Variants in FSD2 observed in about 807,000 individuals in gnomAD.
The protein encoded by FSD2 is fibronectin type III and SPRY domain-containing protein 2.
FSD2 carries 71 observed loss-of-function variants against 80.4 expected under a neutral mutation model. That is an observed-to-expected ratio of 0.88 (90% CI 0.73 to 1.08). The LOEUF (loss-of-function observed/expected upper bound fraction) is 1.08, where lower values mean the gene tolerates loss of function less well. Ranked by LOEUF, FSD2 falls within the 50% of genes least tolerant of loss-of-function variation. FSD2 has a pLI of 0.00. For missense variants in FSD2, 923 were observed against 913.8 expected (o/e 1.01, Z -0.13); for synonymous variants, 361 against 329.5 (o/e 1.10, Z -1.03).
rs916107510 is a variant in FSD2 at position 82,757,269 on chromosome 15, C to T, written c.*2079G>A. ...ACTAACGTGTAGTATTCCATAAAGCCTATTAGAACCCTGAATTCAAACTTG... is the reference window on the plus strand; with the variant it reads ...ACTAACGTGTAGTATTCCATAAAGCTTATTAGAACCCTGAATTCAAACTTG... On this transcript the variant is annotated 3_prime_UTR_variant, in exon 13 of 13. Coordinates refer to ENST00000334574, the MANE Select transcript of FSD2 (RefSeq NM_001007122.4). 1 of 151,876 alleles carries T rather than the reference C, an allele frequency of 6.6e-6. No individual in the cohort carries two copies. The highest frequency in any genetic ancestry group is 1.5e-5 in the Non-Finnish European group (1 of 68,014). 9.4% of individuals were successfully genotyped at this position (151,876 alleles called of 1,614,324 possible).
chr15:82,773,881 A>G (rs1299623572), intron 6 of FSD2, among the ~76,000 whole-genome samples: 1 of 152,208 alleles, frequency 6.6e-6, no homozygotes, highest in Non-Finnish European at 1.5e-5. Context: ...GTTTTGCTGA[A>G]AAAACAGCAG....
rs187762542 is a variant in FSD2, at chr15:82,761,357, T to C, written c.1997+745A>G. Among the ~76,000 whole-genome samples, 28 of 152,304 alleles carry C rather than the reference T, an allele frequency of 1.8e-4. 1 individual carries two copies. The highest frequency in any genetic ancestry group is 1.6e-3 in the Admixed American group (24 of 15,290). ...GGCCTGGGCTTCGTGAGACTTTTTT[T>C]CCCACTATATGGAACTACTCCATGT... is the stretch of plus-strand genomic sequence containing the variant. On this transcript the variant is annotated intron_variant, in intron 12 of 12. Coordinates refer to ENST00000334574, the MANE Select transcript of FSD2 (RefSeq NM_001007122.4).
At chr15:82,802,297 T>C (rs1293888064) in intron 1 of FSD2, among the ~76,000 whole-genome samples, 3 of 152,224 alleles carry the variant, frequency 2.0e-5, no homozygotes. Context: ...CTGGGTATCA[T>C]GCACATTGCC....
At chr15:82,776,611 C>A (rs537942048) in intron 6 of FSD2, among the ~76,000 whole-genome samples, 3 of 152,002 alleles carry the variant, frequency 2.0e-5, no homozygotes, top group African/African-American at 7.2e-5. Flanking sequence ...GGAAAAGTAT[C>A]CTACATTCAT....
intron 5 of FSD2, among the ~76,000 whole-genome samples, chr15:82,779,936 G>A (rs957293049): frequency 6.6e-6 from 1 of 151,990 alleles, no homozygotes; most frequent in Non-Finnish European, 1.5e-5. Context: ...GCATAGTGGG[G>A]GGATGTTGGG....
intron 1 of FSD2, among the ~76,000 whole-genome samples, chr15:82,796,720 C>T (rs1047059152): frequency 6.6e-5 from 10 of 152,206 alleles, no homozygotes; most frequent in African/African-American, 1.9e-4. Context: ...CCCTTTCCCT[C>T]TCCAGACTCC....
Position 82,768,891 on chromosome 15 carries a change from C to T in FSD2, c.1542G>A (p.Ser514=), listed in dbSNP as rs192590802. 20 of 1,556,572 alleles carry T rather than the reference C, an allele frequency of 1.3e-5. No individual in the cohort carries two copies. Among genetic ancestry groups the T allele is most frequent in the Admixed American group, 5.7e-5 (3 of 52,906 alleles). ...ELTQAESPEA[S]GVTESVVGIP... is the part of the protein sequence containing the mutation. ...CCCTCATGACTCACTCAGTTACACCCGAGGCTTCTGGACTTTCAGCCTGGG... is the reference window on the plus strand; with the variant it reads ...CCCTCATGACTCACTCAGTTACACCTGAGGCTTCTGGACTTTCAGCCTGGG... Residue 514 remains serine, a synonymous_variant, in exon 9 of 13, where the codon TCG becomes TCA. Coordinates refer to ENST00000334574, the MANE Select transcript of FSD2 (RefSeq NM_001007122.4).
Position 82,787,358 on chromosome 15 carries a change from C to T in FSD2, c.33G>A (p.Leu11=). Reference sequence around the variant, plus strand: ...GGAAATCCTTGGGAGTAGACCTGTCCAGCCCCAGTTCCTCCCCCGATTCCT... The same window carrying T: ...GGAAATCCTTGGGAGTAGACCTGTCTAGCCCCAGTTCCTCCCCCGATTCCT... MEEESGEELG[L]DRSTPKDFHF... Residue 11 remains leucine (L), a synonymous_variant, in exon 2 of 13, where the codon CTG becomes CTA. Coordinates refer to ENST00000334574, the MANE Select transcript of FSD2 (RefSeq NM_001007122.4). The T allele has an allele frequency of 6.2e-7, 1 of 1,611,850 alleles. No homozygotes were observed. The highest frequency in any genetic ancestry group is 2.2e-5 in the East Asian group (1 of 44,846).
chr15:82,766,311 G>A (rs1041050558), intron 9 of FSD2, among the ~76,000 whole-genome samples: 2 of 152,112 alleles, frequency 1.3e-5, no homozygotes, highest in African/African-American at 4.8e-5. Context: ...ACTGTGCTTG[G>A]CATATGGTTA....
At position 82,774,656 on chromosome 15, in the gene FSD2, C is replaced by A. The variant is rs563718060; in HGVS notation, c.1112-2428G>T. Among the ~76,000 whole-genome samples, 22 of 152,094 alleles carry A rather than the reference C, an allele frequency of 1.4e-4. No individual in the cohort carries two copies. In the South Asian group the frequency reaches 3.7e-3, roughly 26 times the overall value. Reference sequence around the variant, plus strand: ...AACCTCAGAGAGGTCAGCCTCTGTACTCACTTATGAGCTAAAGACAAAAAT... The same window carrying A: ...AACCTCAGAGAGGTCAGCCTCTGTAATCACTTATGAGCTAAAGACAAAAAT... On this transcript the variant is annotated intron_variant, in intron 6 of 12. Coordinates refer to ENST00000334574, the MANE Select transcript of FSD2 (RefSeq NM_001007122.4).
chr15:82,772,630 G>A (rs2049610684), intron 6 of FSD2, among the ~76,000 whole-genome samples: 1 of 152,144 alleles, frequency 6.6e-6, no homozygotes, highest in Non-Finnish European at 1.5e-5. Context: ...TTTCATTGAT[G>A]GTATGGGGAA....
At chr15:82,785,979 T>C (rs1157580630) in intron 3 of FSD2, among the ~76,000 whole-genome samples, 1 of 152,010 alleles carries the variant, frequency 6.6e-6, no homozygotes, top group Non-Finnish European at 1.5e-5. Flanking sequence ...CCACCTGGGC[T>C]CAAATGAGGG....
At chr15:82,770,688 A>T (rs2049545774) in intron 7 of FSD2, among the ~76,000 whole-genome samples, 1 of 151,824 alleles carries the variant, frequency 6.6e-6, no homozygotes, top group Admixed American at 6.6e-5. Flanking sequence ...AATAATAATA[A>T]ATAAATAATA....
rs767428414 is a variant in FSD2, at chr15:82,786,908, A to G, written c.483T>C (p.Tyr161=). Residue 161 remains tyrosine, a synonymous_variant, in exon 2 of 13, where the codon TAT becomes TAC. Transcript: ENST00000334574. ...RYTHGRASEE[Y]ECYVIPEEED... is the part of the protein sequence containing the mutation. ...CTTCCTCGGGGATGACATAGCATTC[A>G]TACTCCTCGCTGGCACGGCCGTGTG... 2 of 1,613,876 alleles carry G rather than the reference A, an allele frequency of 1.2e-6. No individual in the cohort carries two copies. The highest frequency in any genetic ancestry group is 2.2e-5 in the East Asian group (1 of 44,870).
At chr15:82,761,138 G>A (rs554984284) in intron 12 of FSD2, among the ~76,000 whole-genome samples, 130 of 152,298 alleles carry the variant, frequency 8.5e-4, no homozygotes, top group African/African-American at 3.0e-3. Context: ...GACACATAAT[G>A]TGTAAATAAC....
chr15:82,766,015 G>A lies in FSD2; in HGVS notation c.1570C>T (p.Pro524Ser), dbSNP rs1401217822. The change falls in exon 10 of 13, where the codon CCG (proline) becomes TCG (serine). Residue 524 changes from proline (P) to serine (S), a missense_variant. Physicochemically the swap from Pro to Ser is moderately conservative, Grantham distance 74 (BLOSUM62 -1). Transcript: ENST00000334574. Reference sequence around the variant, plus strand: ...AGCTGCACCACGGACTCGCAGGTCGGGATGCCCACAACAGACCTGTACAAG... The same window carrying A: ...AGCTGCACCACGGACTCGCAGGTCGAGATGCCCACAACAGACCTGTACAAG... ...SGVTESVVGIPTCESVVQLQP... is the reference protein window; with the variant it reads ...SGVTESVVGISTCESVVQLQP... The A allele has an allele frequency of 6.3e-7, 1 of 1,586,394 alleles. No homozygotes were observed. The highest frequency in any genetic ancestry group is 8.6e-7 in the Non-Finnish European group (1 of 1,167,946).
intron 12 of FSD2, 68 bp from the exon 13 acceptor site, chr15:82,759,668 A>T (rs1342351332): frequency 1.5e-6 from 2 of 1,311,394 alleles, no homozygotes; most frequent in South Asian, 1.5e-5. Flanking sequence ...AGAACATTTC[A>T]TACTAATTTT....
chr15:82,796,374 A>G (rs1276281146), intron 1 of FSD2: 9 of 153,860 alleles, frequency 5.8e-5, no homozygotes. Context: ...TGGCTGTAAA[A>G]GCAAGAAAAA....
rs1353879355 is a variant in FSD2 at position 82,787,042 on chromosome 15, G to A, written c.349C>T (p.Gln117Ter). 1 of 1,613,904 alleles carries A rather than the reference G, an allele frequency of 6.2e-7. No homozygotes were observed. Among genetic ancestry groups the A allele is most frequent in the Non-Finnish European group, 8.5e-7 (1 of 1,179,896 alleles). The change falls in exon 2 of 13, where the codon CAG becomes TAG. Residue 117 changes from glutamine (Q) to a stop codon, truncating the protein, a stop_gained. Coordinates refer to ENST00000334574, the MANE Select transcript of FSD2 (RefSeq NM_001007122.4). LOFTEE classifies it high-confidence loss of function. ...MMKRRDPARE[Q>*]RDWRLSGEAA... ...TCTCCACTAAGTCTCCAGTCTCTCT[G>A]CTCCCTGGCTGGGTCTCTCCTCTTC...
Sources: allele counts gnomAD v4.1 joint callset (sites outside exome capture counted in the v4.1 genomes callset), GRCh38; gene constraint gnomAD v4.1.1; transcripts MANE v1.5; gene names NCBI Gene and HGNC (gene_info 2026-07-23, HGNC 2026-07-21).